Variants in MCOLN2 observed in about 807,000 individuals in gnomAD.
MCOLN2 encodes mucolipin TRP cation channel 2.
A neutral mutation model predicts 67.5 loss-of-function variants in MCOLN2; 57 were observed. The ratio of observed to expected loss-of-function variants is 0.84; its 90% CI spans 0.68 to 1.05. The LOEUF is 1.05. Among genes scored for constraint, MCOLN2 ranks in the 50% least tolerant of loss-of-function variants. MCOLN2 has a pLI of 0.00. For synonymous variants in MCOLN2, 246 were observed against 233.3 expected (o/e 1.05, Z -0.50); for missense variants, 620 against 678.8 (o/e 0.91, Z 0.96).
At chr1:84,962,697 C>T (rs1370014065) in intron 2 of MCOLN2, among the ~76,000 whole-genome samples, 3 of 152,024 alleles carry the variant, frequency 2.0e-5, no homozygotes, top group Non-Finnish European at 2.9e-5. Flanking sequence ...CGGACTTGGA[C>T]GAACAAACAA....
At chr1:84,939,191 T>A (rs1050400838) in intron 9 of MCOLN2, among the ~76,000 whole-genome samples, 1 of 152,146 alleles carries the variant, frequency 6.6e-6, no homozygotes, top group Non-Finnish European at 1.5e-5. Flanking sequence ...CCTCACCCCA[T>A]CCGTCGGAGC....
intron 11 of MCOLN2, 57 bp downstream of exon 11, chr1:84,937,698 C>A (rs1647505682): frequency 6.3e-7 from 1 of 1,598,874 alleles, no homozygotes; most frequent in Admixed American, 1.7e-5. Flanking sequence ...TGCTAGAAAC[C>A]CACGTTCAAG....
At chr1:84,942,496 A>G (rs891875582) in intron 7 of MCOLN2, among the ~76,000 whole-genome samples, 1 of 152,230 alleles carries the variant, frequency 6.6e-6, no homozygotes. Context: ...AAAATTATGC[A>G]AGTTCATATA....
chr1:84,979,220 C>T (rs1389324942), intron 1 of MCOLN2, among the ~76,000 whole-genome samples: 1 of 152,132 alleles, frequency 6.6e-6, no homozygotes, highest in East Asian at 1.9e-4. Context: ...TTAACCATCA[C>T]AGCTTCACTG....
chr1:84,951,995 G>A (rs1186647551), intron 6 of MCOLN2, among the ~76,000 whole-genome samples: 1 of 152,180 alleles, frequency 6.6e-6, no homozygotes, highest in Non-Finnish European at 1.5e-5. Context: ...GCTGAGGCAT[G>A]AGAATCGTTT....
intron 9 of MCOLN2, among the ~76,000 whole-genome samples, chr1:84,939,214 C>T (rs1647606976): frequency 1.3e-5 from 2 of 152,198 alleles, no homozygotes; most frequent in African/African-American, 4.8e-5. Context: ...CCAATGGTCA[C>T]AGATCCTCCC....
chr1:84,933,389 C>G (rs1259155548), intron 11 of MCOLN2, among the ~76,000 whole-genome samples: 1 of 152,134 alleles, frequency 6.6e-6, no homozygotes, highest in East Asian at 1.9e-4. Flanking sequence ...AACAAGGATC[C>G]CACCCATGGC....
At chr1:84,978,580 CTA>C (rs1345392371) in intron 1 of MCOLN2, among the ~76,000 whole-genome samples, 1 of 152,072 alleles carries the variant, frequency 6.6e-6, no homozygotes, top group Admixed American at 6.6e-5. Context: ...CTATGAGCAA[CTA>C]TATACCAATA....
chr1:84,965,711 G>C lies in MCOLN2; in HGVS notation c.78-3C>G. 6.2e-7 allele frequency: 1 copy of C among 1,608,660 alleles called. No homozygotes were observed. Among genetic ancestry groups the C allele is most frequent in the Non-Finnish European group, 8.5e-7 (1 of 1,178,250 alleles). On this transcript the variant is annotated splice_region_variant and splice_polypyrimidine_tract_variant and intron_variant, in intron 1 of 13. Coordinates refer to ENST00000370608, the MANE Select transcript of MCOLN2 (RefSeq NM_153259.4). ...AATCACGATGTGCCATTGCATTTCT[G>C]CCACAGAAGATTAATTTTAAATATC...
At chr1:84,968,871 A>C (rs966058866) in intron 1 of MCOLN2, among the ~76,000 whole-genome samples, 2 of 152,208 alleles carry the variant, frequency 1.3e-5, no homozygotes, top group East Asian at 1.9e-4. Flanking sequence ...TGGAAGAAGG[A>C]AGGCTGCACA....
At position 84,946,906 on chromosome 1, in the gene MCOLN2, G is replaced by T; in HGVS notation, c.847+127C>A. 3 of 580,130 alleles carry T rather than the reference G, an allele frequency of 5.2e-6. No individual in the cohort carries two copies. The South Asian group carries it at 6.6e-5, about 13-fold the overall frequency. The allele number at this position is 580,130 out of a possible 1,614,324, so 35.9% of individuals were successfully genotyped here. ...ACAAGGCTTTGGGATATTCTTTACA[G>T]GATCTAATGCTCGAGGCGGTTTTCT... On this transcript the variant is annotated intron_variant, in intron 7 of 13. Coordinates refer to ENST00000370608, the MANE Select transcript of MCOLN2 (RefSeq NM_153259.4).
chr1:84,961,281 A>G (rs1478855021), intron 2 of MCOLN2, among the ~76,000 whole-genome samples: 3 of 152,194 alleles, frequency 2.0e-5, no homozygotes, highest in African/African-American at 7.2e-5. Context: ...TTAACTCTAG[A>G]GGCAGGGATA....
intron 8 of MCOLN2, among the ~76,000 whole-genome samples, chr1:84,940,598 G>C (rs1323793025): frequency 6.6e-6 from 1 of 152,160 alleles, no homozygotes; most frequent in Non-Finnish European, 1.5e-5. Context: ...TTGTTATTCT[G>C]GAAACATTCA....
At chr1:84,927,811 G>A (rs112271422) in intron 13 of MCOLN2, among the ~76,000 whole-genome samples, 2 of 152,244 alleles carry the variant, frequency 1.3e-5, no homozygotes, top group African/African-American at 4.8e-5. Context: ...TAAGAGGCGG[G>A]GTCTCACTAC....
In MCOLN2 at chr1:84,996,782, C is replaced by T; in HGVS notation, c.77+14G>A. On this transcript the variant is annotated intron_variant, in intron 1 of 13. Coordinates refer to ENST00000370608, the MANE Select transcript of MCOLN2 (RefSeq NM_153259.4). ...CAGTCCAGCATCCTGAAAGATGAAGCCCAGACTCCTCACCTGACGGTTAAC... is the reference window on the plus strand; with the variant it reads ...CAGTCCAGCATCCTGAAAGATGAAGTCCAGACTCCTCACCTGACGGTTAAC... The T allele has an allele frequency of 6.2e-7, 1 of 1,611,846 alleles. No homozygotes were observed. Among genetic ancestry groups the T allele is most frequent in the Non-Finnish European group, 8.5e-7 (1 of 1,178,012 alleles).
In MCOLN2 at chr1:84,931,363, T is replaced by C. The variant is rs761942055; in HGVS notation, c.1541A>G (p.Lys514Arg). Reference sequence around the variant, plus strand: ...CAGCAAATTTTGATAATTACTTACCTTAATGGTGTCATAAGAATCTGTAAT... The same window carrying C: ...CAGCAAATTTTGATAATTACTTACCCTAATGGTGTCATAAGAATCTGTAAT... ...ALITDSYDTI[K>R]KFQQNGFPET... The change falls in exon 12 of 14, where the codon AAG (lysine) becomes AGG (arginine). Residue 514 changes from lysine (K) to arginine (R), a missense_variant and splice_region_variant. Transcript: ENST00000370608. The C allele has an allele frequency of 3.3e-6, 5 of 1,526,824 alleles. No individual in the cohort carries two copies. The African/African-American group carries it at 6.9e-5, about 21-fold the overall frequency. 94.6% of individuals were successfully genotyped at this position (1,526,824 alleles called of 1,614,324 possible).
chr1:84,992,759 A>AAC (rs1553159453), intron 1 of MCOLN2, among the ~76,000 whole-genome samples: 22 of 151,778 alleles, frequency 1.4e-4, no homozygotes, highest in East Asian at 3.9e-4. Flanking sequence ...GTCTAAAAAA[A>AAC]CCACCTTAAT....
At chr1:84,985,022 G>A (rs962377618) in intron 1 of MCOLN2, among the ~76,000 whole-genome samples, 1 of 151,888 alleles carries the variant, frequency 6.6e-6, no homozygotes, top group Non-Finnish European at 1.5e-5. Flanking sequence ...AATTAAAAAT[G>A]TGTGACATTT....
intron 11 of MCOLN2, among the ~76,000 whole-genome samples, chr1:84,935,776 C>T (rs1647392360): frequency 6.6e-6 from 1 of 152,062 alleles, no homozygotes; most frequent in Non-Finnish European, 1.5e-5. Context: ...CCCAGTTTCA[C>T]CTGGATCCTT....
Sources: gnomAD v4.1 joint callset for allele counts (sites outside exome capture counted in the v4.1 genomes callset) on GRCh38, gnomAD v4.1.1 for gene constraint, MANE v1.5 for transcripts, NCBI Gene and HGNC (gene_info 2026-07-23, HGNC 2026-07-21) for gene names.